The following CAPN2 variants were observed in gnomAD, a reference collection of about 807,000 sequenced individuals.
CAPN2 encodes calpain 2, also known as calpain-2 catalytic subunit.
CAPN2 carries 92 observed loss-of-function variants against 102.3 expected under a neutral mutation model. That is an observed-to-expected ratio of 0.90 (90% CI 0.76 to 1.07). CAPN2 has a LOEUF of 1.07. Among genes scored for constraint, CAPN2 ranks in the 50% least tolerant of loss-of-function variants. CAPN2 has a pLI of 0.00. For missense variants in CAPN2, 800 were observed against 909.4 expected (o/e 0.88, Z 1.55); for synonymous variants, 340 against 355.4 (o/e 0.96, Z 0.49).
chr1:223,741,545 C>A (rs1660617610), intron 2 of CAPN2, among the ~76,000 whole-genome samples: 1 of 150,834 alleles, frequency 6.6e-6, no homozygotes, highest in Non-Finnish European at 1.5e-5. Context: ...ACCTCCGCTT[C>A]CTGGATTCAA....
At chr1:223,762,667 GTTCTC>G (rs1173314061) in intron 14 of CAPN2, among the ~76,000 whole-genome samples, 2 of 152,112 alleles carry the variant, frequency 1.3e-5, no homozygotes, top group Non-Finnish European at 2.9e-5. Flanking sequence ...AGGCTTTTCT[GTTCTC>G]TTTTCTTTTT....
intron 20 of CAPN2, chr1:223,773,084 A>C (rs571291083): frequency 1.3e-5 from 2 of 152,216 alleles, no homozygotes; most frequent in African/African-American, 4.8e-5. Flanking sequence ...TGGATTTTGA[A>C]CTCTGGAGGA....
Position 223,727,942 on chromosome 1 carries a change from C to T in CAPN2, c.307+10111C>T, listed in dbSNP as rs1202890152. Among the ~76,000 whole-genome samples, 1 of 152,144 alleles carries T rather than the reference C, an allele frequency of 6.6e-6. No individual in the cohort carries two copies. Among genetic ancestry groups the T allele is most frequent in the African/African-American group, 2.4e-5 (1 of 41,416 alleles). On this transcript the variant is annotated intron_variant, in intron 2 of 20. Transcript: ENST00000295006. This position sits in a 1 kb window ranked among gnomAD's most constrained non-coding sequence, Gnocchi z 4.1. Reference sequence around the variant, plus strand: ...GTGGGAACATCTCAGGTCCAGGGTACCTTGGGAACTGCAGAGCAGCTGGGT... The same window carrying T: ...GTGGGAACATCTCAGGTCCAGGGTATCTTGGGAACTGCAGAGCAGCTGGGT...
chr1:223,730,986 G>T (rs1453589479), intron 2 of CAPN2, among the ~76,000 whole-genome samples: 2 of 152,230 alleles, frequency 1.3e-5, no homozygotes, highest in Non-Finnish European at 2.9e-5. Flanking sequence ...CCTGTCCTCA[G>T]GGAGCTATGG....
chr1:223,761,813 C>G, intron 13 of CAPN2, 196 bp downstream of exon 13: 1 of 554,990 alleles, frequency 1.8e-6, no homozygotes, highest in Non-Finnish European at 3.2e-6. Flanking sequence ...CAGTCCCTTG[C>G]CTATTGGGCT....
rs1660224326 is a variant in CAPN2 at position 223,727,388 on chromosome 1, C to A, written c.307+9557C>A. Among the ~76,000 whole-genome samples the A allele has an allele frequency of 6.6e-6, 1 of 152,220 alleles. No individual in the cohort carries two copies. The highest frequency in any genetic ancestry group is 1.5e-5 in the Non-Finnish European group (1 of 68,052). ...TGCATCCTTGGCCTCTACCCACACA[C>A]CCCCGTGTGCCACTCAAAAATGTCT... is the stretch of plus-strand genomic sequence containing the variant. On this transcript the variant is annotated intron_variant, in intron 2 of 20. Coordinates refer to ENST00000295006, the MANE Select transcript of CAPN2 (RefSeq NM_001748.5). The surrounding 1 kb of genome is among the most constrained non-coding windows in gnomAD (Gnocchi z 4.1).
intron 1 of CAPN2, among the ~76,000 whole-genome samples, chr1:223,704,438 C>T (rs1659556224): frequency 6.6e-6 from 1 of 152,202 alleles, no homozygotes. Flanking sequence ...ATTTGAATTG[C>T]ATTAGCAACT....
At chr1:223,730,961 A>C (rs944629167) in intron 2 of CAPN2, among the ~76,000 whole-genome samples, 12 of 152,230 alleles carry the variant, frequency 7.9e-5, no homozygotes, top group African/African-American at 2.9e-4. Context: ...CACTTTGGGC[A>C]TTGCTGCCAG....
At chr1:223,737,614 A>G (rs927524592) in intron 2 of CAPN2, among the ~76,000 whole-genome samples, 2 of 146,720 alleles carry the variant, frequency 1.4e-5, no homozygotes, top group African/African-American at 5.0e-5. Context: ...TGGGAGTGGG[A>G]GCTTTACAGT....
chr1:223,724,023 A>G (rs1050131116), intron 2 of CAPN2, among the ~76,000 whole-genome samples: 2 of 151,742 alleles, frequency 1.3e-5, no homozygotes, highest in Non-Finnish European at 1.5e-5. Context: ...CAGGAGCCAG[A>G]CCACGCCCCT....
intron 8 of CAPN2, 22 bp from the exon 9 acceptor site, chr1:223,752,774 T>C (rs754137068): frequency 3.7e-6 from 6 of 1,613,552 alleles, no homozygotes; most frequent in African/African-American, 1.3e-5. Context: ...TCACCTGTGA[T>C]GATTGTCTCT....
intron 2 of CAPN2, among the ~76,000 whole-genome samples, chr1:223,741,222 G>C (rs1180450377): frequency 6.6e-6 from 1 of 151,828 alleles, no homozygotes; most frequent in African/African-American, 2.4e-5. Flanking sequence ...TTGGGTAAGG[G>C]AGCTTCCCAG....
At chr1:223,702,655 A>G (rs575205544) in intron 1 of CAPN2, among the ~76,000 whole-genome samples, 2 of 152,328 alleles carry the variant, frequency 1.3e-5, no homozygotes, top group East Asian at 1.9e-4. Flanking sequence ...AGGATAGGAC[A>G]TAACCCACCT....
rs1358808492 is a variant in CAPN2, at chr1:223,726,580, C to G, written c.307+8749C>G. Among the ~76,000 whole-genome samples the G allele has an allele frequency of 2.6e-5, 4 of 152,150 alleles. No individual in the cohort carries two copies. Among genetic ancestry groups the G allele is most frequent in the African/African-American group, 9.7e-5 (4 of 41,450 alleles). On this transcript the variant is annotated intron_variant, in intron 2 of 20. Coordinates refer to ENST00000295006, the MANE Select transcript of CAPN2 (RefSeq NM_001748.5). The surrounding 1 kb of genome is among the most constrained non-coding windows in gnomAD (Gnocchi z 4.4). ...CACCCTCGCCTCCCTCCCATCCTCC[C>G]TTTTAGGGCCTCCCTTCTGGCAGAT...
chr1:223,768,632 C>T (rs1298653608), intron 16 of CAPN2, among the ~76,000 whole-genome samples: 1 of 151,542 alleles, frequency 6.6e-6, no homozygotes, highest in East Asian at 1.9e-4. Flanking sequence ...ATGCCTCCAG[C>T]TTTGTTCTTT....
At position 223,755,326 on chromosome 1, in the gene CAPN2, A is replaced by G. The variant is rs531130667; in HGVS notation, c.1136-154A>G. ...CTGCCATACTCTGCCATCTCCCACCATCCCCCACCACCTCTTACCATCTCC... is the reference window on the plus strand; with the variant it reads ...CTGCCATACTCTGCCATCTCCCACCGTCCCCCACCACCTCTTACCATCTCC... On this transcript the variant is annotated intron_variant, in intron 9 of 20. Transcript: ENST00000295006. This position sits in a 1 kb window ranked among gnomAD's most constrained non-coding sequence, Gnocchi z 4.1. Among the ~76,000 whole-genome samples the G allele has an allele frequency of 6.6e-6, 1 of 150,892 alleles. No individual in the cohort carries two copies. Among genetic ancestry groups the G allele is most frequent in the South Asian group, 2.1e-4 (1 of 4,728 alleles).
intron 5 of CAPN2, among the ~76,000 whole-genome samples, chr1:223,747,508 A>G (rs1035142905): frequency 6.6e-6 from 1 of 152,112 alleles, no homozygotes; most frequent in Non-Finnish European, 1.5e-5. Context: ...GTCGTAAATG[A>G]TTTTTAGGGG....
chr1:223,764,334 A>T, intron 15 of CAPN2, 127 bp downstream of exon 15: 1 of 747,004 alleles, frequency 1.3e-6, no homozygotes, highest in Non-Finnish European at 2.4e-6. Flanking sequence ...CCCCTCCAAG[A>T]AGTGGATGAA....
At chr1:223,744,770 A>T (rs1366677815) in intron 3 of CAPN2, among the ~76,000 whole-genome samples, 1 of 152,016 alleles carries the variant, frequency 6.6e-6, no homozygotes, top group Non-Finnish European at 1.5e-5. Flanking sequence ...CTGAGGCAGG[A>T]GAATCACTTT....
Sources: allele counts gnomAD v4.1 joint callset (sites outside exome capture counted in the v4.1 genomes callset), GRCh38; gene constraint gnomAD v4.1.1; non-coding constraint Gnocchi (gnomAD v3.1); transcripts MANE v1.5; gene names NCBI Gene and HGNC (gene_info 2026-07-23, HGNC 2026-07-21).